Variants in PARS2 observed in about 807,000 individuals in gnomAD.
PARS2 encodes the protein prolyl-tRNA synthetase 2, mitochondrial.
A neutral mutation model predicts 27.4 loss-of-function variants in PARS2; 20 were observed. That is an observed-to-expected ratio of 0.73 (90% CI 0.51 to 1.06). PARS2 has a LOEUF of 1.06. Among genes scored for constraint, PARS2 ranks in the 50% least tolerant of loss-of-function variants. The pLI is 0.00. For synonymous variants in PARS2, 240 were observed against 247.1 expected, an observed-to-expected ratio of 0.97 and a Z score of 0.27; for missense variants, 585 against 602.1, an observed-to-expected ratio of 0.97 and a Z score of 0.30.
At position 54,758,656 on chromosome 1, in the gene PARS2, T is replaced by C. The variant is rs761129871; in HGVS notation, c.506A>G (p.Gln169Arg). ...AAGCTGCTTGTAGGACAGTTTCTTC[T>C]GGGAGGCAATTAAGGCCGTAATGGC... ...EEAITALIAS[Q>R]KKLSYKQLPF... Residue 169 changes from glutamine to arginine, a missense_variant, in exon 2 of 2, where the codon CAG (glutamine) becomes CGG (arginine). Physicochemically the swap from Gln to Arg is conservative, Grantham distance 43. Coordinates refer to ENST00000371279, the MANE Select transcript of PARS2 (RefSeq NM_152268.4). 2 of 1,614,250 alleles carry C rather than the reference T, an allele frequency of 1.2e-6. No homozygotes were observed. The highest frequency in any genetic ancestry group is 3.3e-5 in the Admixed American group (2 of 60,024).
rs761615633 is a variant in PARS2 at position 54,758,209 on chromosome 1, G to A, written c.953C>T (p.Ser318Leu). 6.2e-7 allele frequency: 1 copy of A among 1,614,238 alleles called. No individual in the cohort carries two copies. The highest frequency in any genetic ancestry group is 8.5e-7 in the Non-Finnish European group (1 of 1,180,030). ...GHTFYLGTKY[S>L]SIFNAQFTNV... The stretch of plus-strand genomic sequence containing the variant: ...GGTAAACTGGGCATTGAAAATGGAT[G>A]AGTACTTGGTACCCAGGTAAAATGT... Residue 318 changes from serine to leucine, a missense_variant, in exon 2 of 2, where the codon TCA becomes TTA. By Grantham distance (145) the Ser-to-Leu change is moderately radical. Transcript: ENST00000371279.
intron 1 of PARS2, among the ~76,000 whole-genome samples, chr1:54,763,228 T>G (rs537378888): frequency 6.6e-5 from 10 of 152,312 alleles, no homozygotes; most frequent in Admixed American, 3.3e-4. Context: ...TGCACACACC[T>G]CTTTTTAGTA....
intron 1 of PARS2, among the ~76,000 whole-genome samples, chr1:54,763,639 TTA>T (rs1477756928): frequency 6.6e-6 from 1 of 152,196 alleles, no homozygotes; most frequent in African/African-American, 2.4e-5. Flanking sequence ...ATAAGTAGAA[TTA>T]TCTCAGTTTT....
rs762601048 is a variant in PARS2, at chr1:54,758,199, G to A, written c.963C>T (p.Phe321=). 2 of 1,614,232 alleles carry A rather than the reference G, an allele frequency of 1.2e-6. No homozygotes were observed. Among genetic ancestry groups the A allele is most frequent in the South Asian group, 2.2e-5 (2 of 91,082 alleles). ...CACAGACATTGGTAAACTGGGCATT[G>A]AAAATGGATGAGTACTTGGTACCCA... ...FYLGTKYSSI[F]NAQFTNVCGK... Residue 321 remains phenylalanine (F), a synonymous_variant, in exon 2 of 2, where the codon TTC becomes TTT. Transcript: ENST00000371279.
At chr1:54,763,292 G>T (rs970471254) in intron 1 of PARS2, among the ~76,000 whole-genome samples, 4 of 152,156 alleles carry the variant, frequency 2.6e-5, no homozygotes, top group Non-Finnish European at 5.9e-5. Context: ...TGTGTGCCAG[G>T]CATTGGAAGC....
intron 1 of PARS2, among the ~76,000 whole-genome samples, chr1:54,763,495 G>A (rs1646168380): frequency 1.3e-5 from 2 of 152,290 alleles, no homozygotes; most frequent in Non-Finnish European, 2.9e-5. Flanking sequence ...GATCAAATAT[G>A]TTAATAAATT....
chr1:54,761,308 TGCAA>T (rs138675042), intron 1 of PARS2, among the ~76,000 whole-genome samples: 2,217 of 152,270 alleles, frequency 0.015, 54 homozygotes, highest in African/African-American at 0.05. Context: ...CTTGGCTCAG[TGCAA>T]GCAAGGACCT....
chr1:54,762,754 G>C (rs1285951460), intron 1 of PARS2, among the ~76,000 whole-genome samples: 1 of 152,120 alleles, frequency 6.6e-6, no homozygotes, highest in Non-Finnish European at 1.5e-5. Context: ...AATAGAGATG[G>C]AGTCTTGCTA....
chr1:54,763,322 A>AT (rs1350091813), intron 1 of PARS2, among the ~76,000 whole-genome samples: 8 of 151,938 alleles, frequency 5.3e-5, no homozygotes, highest in East Asian at 1.9e-4. Context: ...TTCACATACA[A>AT]TTTTTTTTCT....
intron 1 of PARS2, among the ~76,000 whole-genome samples, chr1:54,761,067 T>C (rs1228862987): frequency 6.6e-6 from 1 of 152,150 alleles, no homozygotes; most frequent in African/African-American, 2.4e-5. Flanking sequence ...TGTGAGCCAC[T>C]GCGCCCGGCC....
chr1:54,760,546 C>A (rs1041609637), intron 1 of PARS2, among the ~76,000 whole-genome samples: 2 of 152,184 alleles, frequency 1.3e-5, no homozygotes, highest in African/African-American at 4.8e-5. Context: ...AGCCTCCCCA[C>A]TGGTCTCCTG....
rs1646124724 is a variant in PARS2 at position 54,757,213 on chromosome 1, G to A, written c.*521C>T. ...ATGTATCTAAGTCACTAGTGAGTTGGCGGCAGTCAGGTCTCTTGATTCTTT... is the reference window on the plus strand; with the variant it reads ...ATGTATCTAAGTCACTAGTGAGTTGACGGCAGTCAGGTCTCTTGATTCTTT... On this transcript the variant is annotated 3_prime_UTR_variant, in exon 2 of 2. Transcript: ENST00000371279. The A allele has an allele frequency of 1.3e-5, 2 of 152,486 alleles. No homozygotes were observed. The highest frequency in any genetic ancestry group is 2.9e-5 in the Non-Finnish European group (2 of 68,288). The allele number at this position is 152,486 out of a possible 1,614,324, so 9.4% of individuals were successfully genotyped here.
intron 1 of PARS2, among the ~76,000 whole-genome samples, chr1:54,761,185 CA>C (rs1646154814): frequency 6.6e-6 from 1 of 152,160 alleles, no homozygotes; most frequent in African/African-American, 2.4e-5. Context: ...ATCCTCTCCC[CA>C]GGAAGCCTTT....
In PARS2 at chr1:54,758,808, G is replaced by A; in HGVS notation, c.354C>T (p.Asn118=). The change falls in exon 2 of 2, where the codon AAC becomes AAT. Residue 118 remains asparagine, a synonymous_variant. Transcript: ENST00000371279. The part of the protein sequence containing the change: ...EMQAIGGQKV[N]MPSLSPAELW... ...GCTCTGCCGGGCTGAGGCTGGGCAT[G>A]TTGACTTTCTGGCCCCCGATGGCCT... 1 of 1,614,128 alleles carries A rather than the reference G, an allele frequency of 6.2e-7. No individual in the cohort carries two copies.
chr1:54,762,536 C>T (rs1646163402), intron 1 of PARS2, among the ~76,000 whole-genome samples: 1 of 152,194 alleles, frequency 6.6e-6, no homozygotes, highest in Non-Finnish European at 1.5e-5. Flanking sequence ...CTAACAAGTT[C>T]CCAGGTGACA....
intron 1 of PARS2, among the ~76,000 whole-genome samples, chr1:54,762,028 T>C (rs1000778013): frequency 7.9e-5 from 12 of 152,202 alleles, no homozygotes; most frequent in Non-Finnish European, 1.6e-4. Context: ...CCCTCCTTTC[T>C]GGCCCTTACT....
At position 54,757,560 on chromosome 1, in the gene PARS2, A is replaced by C; in HGVS notation, c.*174T>G. Reference sequence around the variant, plus strand: ...GAAAGGGATCAAGTTAATGACTTTAAATACAAATAATCTGAACAAATGACT... The same window carrying C: ...GAAAGGGATCAAGTTAATGACTTTACATACAAATAATCTGAACAAATGACT... On this transcript the variant is annotated 3_prime_UTR_variant, in exon 2 of 2. Coordinates refer to ENST00000371279, the MANE Select transcript of PARS2 (RefSeq NM_152268.4). 1 of 572,848 alleles carries C rather than the reference A, an allele frequency of 1.7e-6. No individual in the cohort carries two copies. The highest frequency in any genetic ancestry group is 2.9e-5 in the East Asian group (1 of 35,028). 35.5% of individuals were successfully genotyped at this position (572,848 alleles called of 1,614,324 possible).
rs1198901127 is a variant in PARS2 at position 54,756,993 on chromosome 1, T to A, written c.*741A>T. The A allele has an allele frequency of 6.6e-6, 1 of 152,166 alleles. No homozygotes were observed. Among genetic ancestry groups the A allele is most frequent in the Non-Finnish European group, 1.5e-5 (1 of 68,040 alleles). 9.4% of individuals were successfully genotyped at this position (152,166 alleles called of 1,614,324 possible). On this transcript the variant is annotated 3_prime_UTR_variant, in exon 2 of 2. Coordinates refer to ENST00000371279, the MANE Select transcript of PARS2 (RefSeq NM_152268.4). Reference sequence around the variant, plus strand: ...GTCTCTTGAGGTAGTTTTTGGGCCATCAGTTAATTACATCGACTTTCCAGG... The same window carrying A: ...GTCTCTTGAGGTAGTTTTTGGGCCAACAGTTAATTACATCGACTTTCCAGG...
Position 54,759,416 on chromosome 1 carries a change from C to T in PARS2, c.-29-226G>A, listed in dbSNP as rs12024612. 0.21 allele frequency among the ~76,000 whole-genome samples: 32,065 copies of T among 152,128 alleles called. 3,952 individuals are homozygous for T. The highest frequency in any genetic ancestry group is 0.59 in the East Asian group (3,057 of 5,174). On this transcript the variant is annotated intron_variant, in intron 1 of 1. Transcript: ENST00000371279. ...CTGATTATAAAAACATTAACAACAT[C>T]CTGTGGAGAGACAGCGTCATGTAGT...
Sources: gnomAD v4.1 joint callset for allele counts (sites outside exome capture counted in the v4.1 genomes callset) on GRCh38, gnomAD v4.1.1 for gene constraint, MANE v1.5 for transcripts, NCBI Gene and HGNC (gene_info 2026-07-23, HGNC 2026-07-21) for gene names.